Variants in DLGAP2 observed in about 807,000 individuals in gnomAD.
The protein encoded by DLGAP2 is disks large-associated protein 2.
A neutral mutation model predicts 100.3 loss-of-function variants in DLGAP2; 26 were observed. That is an observed-to-expected ratio of 0.26 (90% CI 0.19 to 0.36). The LOEUF is 0.36. DLGAP2 is among the 10% of genes least tolerant of loss of function. The pLI is 1.00. For synonymous variants in DLGAP2, 886 were observed against 630.1 expected (o/e 1.41, Z -6.08); for missense variants, 1,858 against 1,453.2 (o/e 1.28, Z -4.53).
rs114170867 is a variant in DLGAP2 at position 1,690,051 on chromosome 8, C to T, written c.2705-1484C>T. The stretch of plus-strand genomic sequence containing the variant: ...GTTTACAAAGTGGTGACCATGCTGA[C>T]AGCAGACTCAAGAGAGGGTGTGGGG... On this transcript the variant is annotated intron_variant, in intron 12 of 14. Coordinates refer to ENST00000637795, the MANE Select transcript of DLGAP2 (RefSeq NM_001346810.2). Among the ~76,000 whole-genome samples the T allele has an allele frequency of 3.6e-3, 546 of 152,292 alleles. 7 individuals carry two copies. The highest frequency in any genetic ancestry group is 0.012 in the African/African-American group (503 of 41,558).
At chr8:1,657,700 A>G (rs1265687504) in intron 8 of DLGAP2, among the ~76,000 whole-genome samples, 1 of 152,264 alleles carries the variant, frequency 6.6e-6, no homozygotes, top group East Asian at 1.9e-4. Flanking sequence ...TCCATGTTTC[A>G]GAAATCATTT....
chr8:1,407,296 C>A (rs1337940267), intron 3 of DLGAP2, among the ~76,000 whole-genome samples: 1 of 32,658 alleles, frequency 3.1e-5, no homozygotes. Flanking sequence ...CCTCCAGAGT[C>A]GTGTATTGAG....
At chr8:1,199,937 T>TCC (rs144044624) in intron 2 of DLGAP2, among the ~76,000 whole-genome samples, 36,973 of 150,490 alleles carry the variant, frequency 0.25, 4,853 homozygotes, top group Middle Eastern at 0.37. Flanking sequence ...GTGGAAGGAT[T>TCC]CCCCCCCACA....
At chr8:1,605,671 T>C (rs1426719163) in intron 6 of DLGAP2, among the ~76,000 whole-genome samples, 1 of 152,164 alleles carries the variant, frequency 6.6e-6, no homozygotes, top group Non-Finnish European at 1.5e-5. Context: ...ACCTTCCCTG[T>C]TATAAGGAAG....
At chr8:862,610 C>G (rs1481683980) in intron 1 of DLGAP2, among the ~76,000 whole-genome samples, 1 of 152,160 alleles carries the variant, frequency 6.6e-6, no homozygotes, top group East Asian at 1.9e-4. Flanking sequence ...AGTTTTATTC[C>G]TGGAAATAAC....
chr8:1,590,646 A>G lies in DLGAP2; in HGVS notation c.1442+24752A>G, dbSNP rs7014146. On this transcript the variant is annotated intron_variant, in intron 6 of 14. Transcript: ENST00000637795. ...GAGAAATGTGTACTCCACACTCTCA[A>G]ATTCCACTTTAATTTCATGATTAAC... Among the ~76,000 whole-genome samples, 704 of 152,350 alleles carry G rather than the reference A, an allele frequency of 4.6e-3. 3 individuals are homozygous for G. The highest frequency in any genetic ancestry group is 0.016 in the African/African-American group (658 of 41,584).
chr8:1,480,279 A>T (rs764011707), intron 3 of DLGAP2, among the ~76,000 whole-genome samples: 1 of 152,058 alleles, frequency 6.6e-6, no homozygotes, highest in Non-Finnish European at 1.5e-5. Flanking sequence ...TGGAGTCCAC[A>T]TGTGATTTAA....
chr8:1,267,669 C>T (rs1029691786), intron 3 of DLGAP2, among the ~76,000 whole-genome samples: 2 of 151,606 alleles, frequency 1.3e-5, no homozygotes, highest in Non-Finnish European at 2.9e-5. Flanking sequence ...TCAGCTCAGA[C>T]ACCATTTCCG....
chr8:1,390,475 C>T (rs558407980), intron 3 of DLGAP2, among the ~76,000 whole-genome samples: 50 of 152,332 alleles, frequency 3.3e-4, no homozygotes, highest in East Asian at 2.5e-3. Context: ...GGCCCACCTA[C>T]AAGCCCTTCC....
intron 5 of DLGAP2, among the ~76,000 whole-genome samples, chr8:1,561,489 C>T (rs1217826594): frequency 6.6e-6 from 1 of 152,168 alleles, no homozygotes; most frequent in Non-Finnish European, 1.5e-5. Flanking sequence ...CTCTTGGAAT[C>T]TGGGTGGAGG....
Position 1,668,342 on chromosome 8 carries a change from A to G in DLGAP2, c.1824A>G (p.Thr608=), listed in dbSNP as rs1476038094. 1 of 1,513,644 alleles carries G rather than the reference A, an allele frequency of 6.6e-7. No homozygotes were observed. The highest frequency in any genetic ancestry group is 8.8e-7 in the Non-Finnish European group (1 of 1,134,014). The allele number at this position is 1,513,644 out of a possible 1,614,324, so 93.8% of individuals were successfully genotyped here. A position where few individuals can be genotyped will look rare whatever the true frequency, so the allele number is the denominator to read the frequency against. Residue 608 remains threonine, a synonymous_variant, in exon 9 of 15, where the codon ACA becomes ACG. Coordinates refer to ENST00000637795, the MANE Select transcript of DLGAP2 (RefSeq NM_001346810.2). Reference sequence around the variant, plus strand: ...CTTTTCTTACAGCTGTCTCATATACAAATTACAAGAAAACGCCCCCACCGG... The same window carrying G: ...CTTTTCTTACAGCTGTCTCATATACGAATTACAAGAAAACGCCCCCACCGG... ...TIRSTAAVSY[T]NYKKTPPPVP...
At chr8:1,093,334 C>T (rs1585051794) in intron 2 of DLGAP2, among the ~76,000 whole-genome samples, 3 of 151,894 alleles carry the variant, frequency 2.0e-5, no homozygotes, top group Admixed American at 2.0e-4. Flanking sequence ...CACCAACAGC[C>T]AGACAGAAAC....
intron 1 of DLGAP2, among the ~76,000 whole-genome samples, chr8:774,218 G>C (rs1821448465): frequency 6.6e-6 from 1 of 152,120 alleles, no homozygotes; most frequent in Non-Finnish European, 1.5e-5. Context: ...TTGTAAATTT[G>C]TTTGAGTTCA....
intron 2 of DLGAP2, among the ~76,000 whole-genome samples, chr8:1,084,113 T>C (rs1463912819): frequency 6.6e-6 from 1 of 152,240 alleles, no homozygotes; most frequent in East Asian, 1.9e-4. Context: ...TTATATATTT[T>C]AAAGCATTTA....
intron 4 of DLGAP2, among the ~76,000 whole-genome samples, chr8:1,506,407 C>T (rs553964064): frequency 3.9e-5 from 6 of 152,252 alleles, no homozygotes; most frequent in South Asian, 2.1e-4. Flanking sequence ...GAGTTTGTTC[C>T]TTTTAATGTT....
At chr8:899,436 C>T (rs1257016268) in intron 1 of DLGAP2, among the ~76,000 whole-genome samples, 1 of 152,190 alleles carries the variant, frequency 6.6e-6, no homozygotes, top group East Asian at 1.9e-4. Flanking sequence ...CCCAGGATAC[C>T]GGCCCTGCAT....
chr8:1,325,516 T>C (rs1308222012), intron 3 of DLGAP2, among the ~76,000 whole-genome samples: 8 of 152,190 alleles, frequency 5.3e-5, no homozygotes, highest in Non-Finnish European at 8.8e-5. Flanking sequence ...TGTAAAAAAC[T>C]TTGTACGCAT....
chr8:1,382,696 C>T (rs1011404165), intron 3 of DLGAP2, among the ~76,000 whole-genome samples: 1 of 152,128 alleles, frequency 6.6e-6, no homozygotes, highest in African/African-American at 2.4e-5. Context: ...GAGCCATGAT[C>T]GTGCCGCTGC....
At chr8:842,731 A>G (rs7008109) in intron 1 of DLGAP2, among the ~76,000 whole-genome samples, 111,161 of 151,746 alleles carry the variant, frequency 0.73, 41,004 homozygotes, top group East Asian at 0.99. Flanking sequence ...TTTTTTGGGG[A>G]TTTTCTTCTT....
Sources: allele counts gnomAD v4.1 joint callset (sites outside exome capture counted in the v4.1 genomes callset), GRCh38; gene constraint gnomAD v4.1.1; transcripts MANE v1.5; gene names NCBI Gene and HGNC (gene_info 2026-07-23, HGNC 2026-07-21).